The following SNAP25 variants were observed in gnomAD, a reference collection of about 807,000 sequenced individuals.
SNAP25 encodes the protein synaptosome associated protein 25.
In SNAP25, 3 loss-of-function variants were observed where a neutral mutation model predicts 28.7. That is an observed-to-expected ratio of 0.10 (90% CI 0.05 to 0.27). The LOEUF (loss-of-function observed/expected upper bound fraction) is 0.27. Among genes scored for constraint, SNAP25 ranks in the 10% least tolerant of loss-of-function variants. The probability of loss-of-function intolerance (pLI) is 1.00; values close to 1 mark genes in which losing one functional copy is unlikely to be tolerated. For synonymous variants in SNAP25, 61 were observed against 88.1 expected, an observed-to-expected ratio of 0.69 and a Z score of 1.72; for missense variants, 117 against 278.7, an observed-to-expected ratio of 0.42 and a Z score of 4.13.
intron 7 of SNAP25, among the ~76,000 whole-genome samples, 175 bp from the exon 8 acceptor site, chr20:10,305,954 A>C (rs900875153): frequency 6.6e-6 from 1 of 152,122 alleles, no homozygotes; most frequent in African/African-American, 2.4e-5. Context: ...TTCTACGGTC[A>C]CATTCAAATA....
In SNAP25 at chr20:10,291,104, G is replaced by A. The variant is rs550816414; in HGVS notation, c.164-2057G>A. Among the ~76,000 whole-genome samples, 120 of 152,046 alleles carry A rather than the reference G, an allele frequency of 7.9e-4. 4 individuals carry two copies. In the South Asian group the frequency reaches 0.024, roughly 30 times the overall value. On this transcript the variant is annotated intron_variant, in intron 4 of 7. Coordinates refer to ENST00000254976, the MANE Select transcript of SNAP25 (RefSeq NM_130811.4). ...ATTTTTATTTTTGGGACGGAGTTTCGCTCTTGTTGCCCAAGCTGGAATGCA... is the reference window on the plus strand; with the variant it reads ...ATTTTTATTTTTGGGACGGAGTTTCACTCTTGTTGCCCAAGCTGGAATGCA...
chr20:10,271,058 A>C (rs1373698464), intron 1 of SNAP25, among the ~76,000 whole-genome samples: 1 of 152,202 alleles, frequency 6.6e-6, no homozygotes, highest in Non-Finnish European at 1.5e-5. Flanking sequence ...CTCGGGGAAT[A>C]GTTTTGAGTG....
chr20:10,275,540 A>C lies in SNAP25; in HGVS notation c.49A>C (p.Arg17=). 1 of 1,602,270 alleles carries C rather than the reference A, an allele frequency of 6.2e-7. No individual in the cohort carries two copies. Among genetic ancestry groups the C allele is most frequent in the African/African-American group, 1.3e-5 (1 of 74,900 alleles). Residue 17 remains arginine, a synonymous_variant, in exon 2 of 8, where the codon AGG becomes CGG. Transcript: ENST00000254976. The part of the protein sequence containing the change: ...MRNELEEMQR[R]ADQLADESLE... ...CAATGAGCTGGAGGAGATGCAGCGA[A>C]GGGCTGACCAGTTGGCTGATGAGGT... is the stretch of plus-strand genomic sequence containing the variant.
At chr20:10,302,997 T>G (rs1170799295) in intron 7 of SNAP25, among the ~76,000 whole-genome samples, 1 of 152,130 alleles carries the variant, frequency 6.6e-6, no homozygotes, top group Non-Finnish European at 1.5e-5. Context: ...TATCCCCAGG[T>G]GAAGGCCCCT....
chr20:10,254,131 T>C (rs771655404), intron 1 of SNAP25, among the ~76,000 whole-genome samples: 1 of 152,248 alleles, frequency 6.6e-6, no homozygotes, highest in Non-Finnish European at 1.5e-5. Context: ...GCCCATTGCA[T>C]AGCTTCTGCA....
intron 2 of SNAP25, among the ~76,000 whole-genome samples, chr20:10,277,333 A>C (rs2063708329): frequency 6.6e-6 from 1 of 152,228 alleles, no homozygotes; most frequent in Non-Finnish European, 1.5e-5. Flanking sequence ...TTCCTGGCCC[A>C]GGGAGGCCAA....
chr20:10,296,262 G>T (rs537225492), intron 5 of SNAP25: 1 of 152,286 alleles, frequency 6.6e-6, no homozygotes, highest in Non-Finnish European at 1.5e-5. Context: ...ACAAAGGTTT[G>T]TACATCAACT....
chr20:10,273,353 T>A (rs908115663), intron 1 of SNAP25, among the ~76,000 whole-genome samples: 4 of 152,242 alleles, frequency 2.6e-5, no homozygotes. Context: ...TGTTTCATTT[T>A]AAGTTTCTTC....
In SNAP25 at chr20:10,293,016, A is replaced by C; in HGVS notation, c.164-145A>C. On this transcript the variant is annotated intron_variant, in intron 4 of 7. Coordinates refer to ENST00000254976, the MANE Select transcript of SNAP25 (RefSeq NM_130811.4). This position sits in a 1 kb window ranked among gnomAD's most constrained non-coding sequence, Gnocchi z 5.6. ...TTGTAACAAGTAGGTACTGGGTACC[A>C]GCTCTAATCTGTGGCGTCCAGTTTT... 6.6e-7 allele frequency: 1 copy of C among 1,518,856 alleles called. No homozygotes were observed. Among genetic ancestry groups the C allele is most frequent in the Non-Finnish European group, 9.0e-7 (1 of 1,116,962 alleles). The allele number at this position is 1,518,856 out of a possible 1,614,324, so 94.1% of individuals were successfully genotyped here. A position where few individuals can be genotyped will look rare whatever the true frequency, so the allele number is the denominator to read the frequency against.
chr20:10,246,633 C>T (rs2063133838), intron 1 of SNAP25, among the ~76,000 whole-genome samples: 1 of 152,200 alleles, frequency 6.6e-6, no homozygotes, highest in South Asian at 2.1e-4. Flanking sequence ...ACTTTGCAGA[C>T]AAGTCTCCTA....
At chr20:10,298,001 C>T (rs929551734) in intron 6 of SNAP25, among the ~76,000 whole-genome samples, 1 of 150,992 alleles carries the variant, frequency 6.6e-6, no homozygotes, top group East Asian at 1.9e-4. Flanking sequence ...AAAAAAAACT[C>T]AAGTTACACA....
chr20:10,228,173 T>G (rs1306740663), intron 1 of SNAP25, among the ~76,000 whole-genome samples: 1 of 152,134 alleles, frequency 6.6e-6, no homozygotes, highest in East Asian at 1.9e-4. Flanking sequence ...TGCATCCAAC[T>G]TTCTCCAGAG....
chr20:10,278,046 T>C (rs1157012387), intron 3 of SNAP25: 2 of 213,946 alleles, frequency 9.3e-6, no homozygotes, highest in East Asian at 1.0e-4. Context: ...ATTCTTAATA[T>C]ACAAAGGAAT....
chr20:10,300,734 C>T lies in SNAP25; in HGVS notation c.552+1322C>T, dbSNP rs3025900. Reference sequence around the variant, plus strand: ...TTTTGCCTGATCAGTATGAAAACTACGCAAACTTTAGTGTTGGTTGGCAAA... The same window carrying T: ...TTTTGCCTGATCAGTATGAAAACTATGCAAACTTTAGTGTTGGTTGGCAAA... On this transcript the variant is annotated intron_variant, in intron 7 of 7. Transcript: ENST00000254976. Among the ~76,000 whole-genome samples the T allele has an allele frequency of 6.0e-4, 91 of 152,256 alleles. No individual in the cohort carries two copies. The East Asian group carries it at 0.01, about 17-fold the overall frequency.
Position 10,255,899 on chromosome 20 carries a change from G to A in SNAP25, c.-63-19530G>A, listed in dbSNP as rs527835418. 3.3e-5 allele frequency among the ~76,000 whole-genome samples: 5 copies of A among 151,392 alleles called. No homozygotes were observed. The South Asian group carries it at 6.3e-4, about 19-fold the overall frequency. Reference sequence around the variant, plus strand: ...CATAATAACAAAACTTACAAAAATCGATTCCATTACATTCAGAACTGGTAA... The same window carrying A: ...CATAATAACAAAACTTACAAAAATCAATTCCATTACATTCAGAACTGGTAA... On this transcript the variant is annotated intron_variant, in intron 1 of 7. Transcript: ENST00000254976.
intron 1 of SNAP25, among the ~76,000 whole-genome samples, chr20:10,262,921 G>T (rs1327892371): frequency 6.6e-6 from 1 of 152,120 alleles, no homozygotes; most frequent in African/African-American, 2.4e-5. Context: ...CTGCCCTGGG[G>T]GTGGGCGGTG....
Position 10,248,752 on chromosome 20 carries a change from A to T in SNAP25, c.-63-26677A>T, listed in dbSNP as rs112366477. ...TTGACCCTTAAAATCTGTACTATTG[A>T]TCCACATCCAATGTTACTCAAACAT... On this transcript the variant is annotated intron_variant, in intron 1 of 7. Coordinates refer to ENST00000254976, the MANE Select transcript of SNAP25 (RefSeq NM_130811.4). Among the ~76,000 whole-genome samples, 107 of 152,328 alleles carry T rather than the reference A, an allele frequency of 7.0e-4. 1 individual carries two copies. The highest frequency in any genetic ancestry group is 2.4e-3 in the African/African-American group (98 of 41,576).
chr20:10,297,979 T>A (rs2064150170), intron 6 of SNAP25, among the ~76,000 whole-genome samples: 1 of 150,780 alleles, frequency 6.6e-6, no homozygotes. Flanking sequence ...CAGGGGCATT[T>A]CCTTTAAAAA....
intron 1 of SNAP25, among the ~76,000 whole-genome samples, chr20:10,255,353 T>C (rs1441792493): frequency 6.6e-6 from 1 of 152,198 alleles, no homozygotes; most frequent in African/African-American, 2.4e-5. Context: ...GTATGTTTCC[T>C]TCCAATGGGC....
Sources: gnomAD v4.1 joint callset for allele counts (sites outside exome capture counted in the v4.1 genomes callset) on GRCh38, gnomAD v4.1.1 for gene constraint, Gnocchi (gnomAD v3.1) non-coding constraint, MANE v1.5 for transcripts, NCBI Gene and HGNC (gene_info 2026-07-23, HGNC 2026-07-21) for gene names.